RBBP5: variants seen among roughly 807,000 people sequenced by gnomAD.
RBBP5 encodes RB binding protein 5, histone lysine methyltransferase complex subunit, also known as retinoblastoma-binding protein 5.
Under a neutral mutation model 72.2 loss-of-function variants are expected in RBBP5, and 5 were observed. That is an observed-to-expected ratio of 0.07 (90% CI 0.04 to 0.15). RBBP5 has a LOEUF of 0.15. Among genes scored for constraint, RBBP5 ranks in the 10% least tolerant of loss-of-function variants. RBBP5 has a pLI of 1.00. For synonymous variants in RBBP5, 209 were observed against 237.2 expected, an observed-to-expected ratio of 0.88 and a Z score of 1.09; for missense variants, 322 against 652.2, an observed-to-expected ratio of 0.49 and a Z score of 5.51.
intron 3 of RBBP5, among the ~76,000 whole-genome samples, chr1:205,112,476 A>G (rs1461346701): frequency 6.6e-6 from 1 of 152,222 alleles, no homozygotes; most frequent in African/African-American, 2.4e-5. Flanking sequence ...AAGCTTTAGT[A>G]TATGTACCTG....
rs1655217295 is a variant in RBBP5, at chr1:205,088,625, A to G, written c.*162T>C. Reference sequence around the variant, plus strand: ...AGGGAAGGTCGTATACTCTTCTTCCATAATTCACTTCTTCATTTAAACATA... The same window carrying G: ...AGGGAAGGTCGTATACTCTTCTTCCGTAATTCACTTCTTCATTTAAACATA... On this transcript the variant is annotated 3_prime_UTR_variant, in exon 14 of 14. Coordinates refer to ENST00000264515, the MANE Select transcript of RBBP5 (RefSeq NM_005057.4). 4 of 663,436 alleles carry G rather than the reference A, an allele frequency of 6.0e-6. No homozygotes were observed. In the East Asian group the frequency reaches 1.2e-4, roughly 20 times the overall value. 41.1% of individuals were successfully genotyped at this position (663,436 alleles called of 1,614,324 possible).
At chr1:205,097,923 T>C (rs924570242) in intron 10 of RBBP5, among the ~76,000 whole-genome samples, 2 of 151,780 alleles carry the variant, frequency 1.3e-5, no homozygotes, top group Non-Finnish European at 2.9e-5. Context: ...GTCAATAATC[T>C]GTGGCATTAA....
chr1:205,095,170 AATAATT>A, intron 12 of RBBP5, 106 bp from the exon 13 acceptor site: 1 of 1,040,050 alleles, frequency 9.6e-7, no homozygotes, highest in Non-Finnish European at 1.4e-6. Flanking sequence ...CAGATCAATT[AATAATT>A]ATAAAGAGAA....
chr1:205,111,032 C>T (rs978911516), intron 3 of RBBP5, among the ~76,000 whole-genome samples: 1 of 151,980 alleles, frequency 6.6e-6, no homozygotes, highest in Non-Finnish European at 1.5e-5. Context: ...CCACTGCACT[C>T]CAGCCTGGGT....
rs373386578 is a variant in RBBP5 at position 205,100,253 on chromosome 1, C to T, written c.651G>A (p.Thr217=). 6.8e-6 allele frequency: 11 copies of T among 1,613,648 alleles called. No individual in the cohort carries two copies. The highest frequency in any genetic ancestry group is 4.0e-5 in the African/African-American group (3 of 74,878). Residue 217 remains threonine, a synonymous_variant, in exon 7 of 14, where the codon ACG becomes ACA. Coordinates refer to ENST00000264515, the MANE Select transcript of RBBP5 (RefSeq NM_005057.4). ...ARKGSCFLIN[T]ADRIIRVYDG... ...CATAAACTCTGATTATTCGATCTGC[C>T]GTGTTAATTAAAAAGCAACTACGGG... is the stretch of plus-strand genomic sequence containing the variant.
chr1:205,101,974 G>A (rs1287911794), intron 5 of RBBP5, among the ~76,000 whole-genome samples: 1 of 145,994 alleles, frequency 6.8e-6, no homozygotes, highest in Non-Finnish European at 1.5e-5. Context: ...TCGGCTCACT[G>A]CAACCTCTGC....
intron 3 of RBBP5, among the ~76,000 whole-genome samples, chr1:205,108,933 A>G (rs1656191507): frequency 1.3e-5 from 2 of 152,242 alleles, no homozygotes; most frequent in Admixed American, 6.5e-5. Flanking sequence ...TGCCTGATAC[A>G]TAATAAGTGC....
At chr1:205,095,340 A>C (rs563341921) in intron 12 of RBBP5, among the ~76,000 whole-genome samples, 2 of 146,360 alleles carry the variant, frequency 1.4e-5, no homozygotes, top group South Asian at 4.6e-4. Flanking sequence ...GGCCCAACAC[A>C]AATTCATAAA....
At chr1:205,118,106 C>G (rs866930313) in intron 1 of RBBP5, among the ~76,000 whole-genome samples, 2 of 151,864 alleles carry the variant, frequency 1.3e-5, no homozygotes, top group African/African-American at 4.8e-5. Flanking sequence ...CACCACACCC[C>G]ACCTCAACTG....
chr1:205,108,168 G>C (rs1054403104), intron 3 of RBBP5, among the ~76,000 whole-genome samples: 18 of 149,116 alleles, frequency 1.2e-4, no homozygotes, highest in African/African-American at 4.5e-4. Flanking sequence ...ACTTGAACTT[G>C]GGAGGCGGAG....
chr1:205,110,629 A>C (rs1002606760), intron 3 of RBBP5, among the ~76,000 whole-genome samples: 2 of 151,436 alleles, frequency 1.3e-5, no homozygotes, highest in African/African-American at 4.9e-5. Context: ...TATATGTATT[A>C]ATTATTTCCC....
rs370750641 is a variant in RBBP5, at chr1:205,094,904, T to C, written c.1557A>G (p.Lys519=). The change falls in exon 13 of 14, where the codon AAA becomes AAG. Residue 519 remains lysine, a synonymous_variant. Coordinates refer to ENST00000264515, the MANE Select transcript of RBBP5 (RefSeq NM_005057.4). The part of the protein sequence containing the change: ...GLPLEGSAKG[K]VQAELSQPLT... ...AGGGCTGGCTGAGTTCCGCCTGCAC[T>C]TTACCCTTCGCTGATCCTTCCAGAG... 5 of 1,614,046 alleles carry C rather than the reference T, an allele frequency of 3.1e-6. No individual in the cohort carries two copies. Among genetic ancestry groups the C allele is most frequent in the Admixed American group, 3.3e-5 (2 of 60,010 alleles).
At chr1:205,105,471 GA>G (rs746412657) in intron 3 of RBBP5, among the ~76,000 whole-genome samples, 1 of 152,190 alleles carries the variant, frequency 6.6e-6, no homozygotes, top group Non-Finnish European at 1.5e-5. Context: ...TGCGCTTTAA[GA>G]GTTGATATAT....
At chr1:205,117,376 A>T (rs968180944) in intron 1 of RBBP5, among the ~76,000 whole-genome samples, 3 of 152,020 alleles carry the variant, frequency 2.0e-5, no homozygotes, top group African/African-American at 7.2e-5. Context: ...ATTTATGTGT[A>T]AAGAGCCCGT....
In RBBP5 at chr1:205,107,075, CAT is replaced by C. The variant is rs200215378; in HGVS notation, c.219-1909_219-1908del. ...ATATGTATGTGTGTGTGTGTGTATA[CAT>C]ATATATATATACACACACACACACA... On this transcript the variant is annotated intron_variant, in intron 3 of 13. Transcript: ENST00000264515. 4.9e-3 allele frequency among the ~76,000 whole-genome samples: 628 copies of C among 129,364 alleles called. 23 individuals are homozygous for C. In the East Asian group the frequency reaches 0.072, roughly 15 times the overall value. The allele number at this position is 129,364 out of a possible 152,430, so 84.9% of individuals were successfully genotyped here.
intron 11 of RBBP5, 123 bp downstream of exon 11, chr1:205,097,203 G>A (rs914947594): frequency 1.2e-5 from 11 of 944,604 alleles, no homozygotes; most frequent in South Asian, 7.9e-5. Context: ...TACACCAAAC[G>A]AGTTATCTCT....
At chr1:205,101,462 A>G (rs1655818772) in intron 6 of RBBP5, 138 bp downstream of exon 6, 2 of 564,376 alleles carry the variant, frequency 3.5e-6, no homozygotes, top group Non-Finnish European at 3.0e-6. Flanking sequence ...AAAACCAGAT[A>G]TTGTAAGTTT....
chr1:205,103,785 A>G (rs1655940950), intron 5 of RBBP5, 72 bp downstream of exon 5: 7 of 1,543,438 alleles, frequency 4.5e-6, no homozygotes, highest in Middle Eastern at 1.7e-4. Flanking sequence ...ACAATTTTCA[A>G]AAGAAACAAA....
chr1:205,088,702 TAAAG>T lies in RBBP5; in HGVS notation c.*81_*84del. 3.5e-6 allele frequency: 5 copies of T among 1,420,576 alleles called. No homozygotes were observed. The highest frequency in any genetic ancestry group is 4.9e-6 in the Non-Finnish European group (5 of 1,029,220). 88.0% of individuals were successfully genotyped at this position (1,420,576 alleles called of 1,614,324 possible). A position where few individuals can be genotyped will look rare whatever the true frequency, so the allele number is the denominator to read the frequency against. On this transcript the variant is annotated 3_prime_UTR_variant, in exon 14 of 14. Coordinates refer to ENST00000264515, the MANE Select transcript of RBBP5 (RefSeq NM_005057.4). ...GGAGGCACAGGCCTTTGTTTTAAAT[TAAAG>T]TCAATTTTCAAATGACTGACCACAG...
Sources: gnomAD v4.1 joint callset for allele counts (sites outside exome capture counted in the v4.1 genomes callset) on GRCh38, gnomAD v4.1.1 for gene constraint, MANE v1.5 for transcripts, NCBI Gene and HGNC (gene_info 2026-07-23, HGNC 2026-07-21) for gene names.